The following C10orf90 variants were observed in gnomAD, a reference collection of about 807,000 sequenced individuals.
The protein encoded by C10orf90 is (E2-independent) E3 ubiquitin-conjugating enzyme FATS.
In C10orf90, 56 loss-of-function variants were observed where a neutral mutation model predicts 62.5. The ratio of observed to expected loss-of-function variants is 0.90; its 90% confidence interval spans 0.72 to 1.12. C10orf90 has a LOEUF of 1.12. C10orf90 is among the 50% of genes most tolerant of loss of function. The pLI, the probability that C10orf90 is intolerant of heterozygous loss-of-function variation, is 0.00. For missense variants in C10orf90, 970 were observed against 880.4 expected, an observed-to-expected ratio of 1.10 and a Z score of -1.29; for synonymous variants, 386 against 340.4, an observed-to-expected ratio of 1.13 and a Z score of -1.47.
intron 4 of C10orf90, among the ~76,000 whole-genome samples, chr10:126,481,544 G>A (rs189533107): frequency 6.6e-6 from 1 of 152,324 alleles, no homozygotes; most frequent in East Asian, 1.9e-4. Flanking sequence ...AATGGCAGAG[G>A]CATTTCTGCA....
intron 7 of C10orf90, among the ~76,000 whole-genome samples, chr10:126,442,602 T>C (rs1858444187): frequency 7.7e-6 from 1 of 129,442 alleles, no homozygotes; most frequent in Admixed American, 7.9e-5. Flanking sequence ...GTCAATGGAA[T>C]ATTGAAGTTC....
intron 2 of C10orf90, among the ~76,000 whole-genome samples, chr10:126,571,883 T>C (rs373409893): frequency 5.3e-5 from 8 of 152,174 alleles, no homozygotes; most frequent in African/African-American, 1.9e-4. Flanking sequence ...TAGTCAGGCC[T>C]TATACACTTC....
chr10:126,469,776 A>G lies in C10orf90; in HGVS notation c.1535-4790T>C, dbSNP rs1386772939. 3 of 430,912 alleles carry G rather than the reference A, an allele frequency of 7.0e-6. No individual in the cohort carries two copies. In the Admixed American group the frequency reaches 7.6e-5, roughly 11 times the overall value. The allele number at this position is 430,912 out of a possible 1,614,324, so 26.7% of individuals were successfully genotyped here. A position where few individuals can be genotyped will look rare whatever the true frequency, so the allele number is the denominator to read the frequency against. ...CCTGGGTTCTCTTCCAGCAAGCTCT[A>G]TAACTACAGCATCTAACTGGAAACC... On this transcript the variant is annotated intron_variant, in intron 4 of 9. Coordinates refer to ENST00000488181, the MANE Select transcript of C10orf90 (RefSeq NM_001350921.2).
At chr10:126,447,182 A>T (rs1858838040) in intron 7 of C10orf90, among the ~76,000 whole-genome samples, 1 of 152,078 alleles carries the variant, frequency 6.6e-6, no homozygotes, top group Admixed American at 6.6e-5. Flanking sequence ...ATTAATAATT[A>T]CCTTGACTGT....
intron 7 of C10orf90, among the ~76,000 whole-genome samples, chr10:126,435,984 C>G (rs954222436): frequency 6.6e-6 from 1 of 152,148 alleles, no homozygotes; most frequent in Non-Finnish European, 1.5e-5. Flanking sequence ...GCTGGTTACT[C>G]CTCAAGAGAT....
Position 126,639,093 on chromosome 10 carries a change from A to G in C10orf90, c.313+7472T>C, listed in dbSNP as rs1349153550. On this transcript the variant is annotated intron_variant, in intron 2 of 9. Coordinates refer to ENST00000488181, the MANE Select transcript of C10orf90 (RefSeq NM_001350921.2). ...TTAAAAACCCAGCAAACTCCAAAAG[A>G]CCGTGAGTGGTGGTTTTCACAGGGA... 7.2e-5 allele frequency among the ~76,000 whole-genome samples: 11 copies of G among 152,272 alleles called. No individual in the cohort carries two copies. The East Asian group carries it at 2.1e-3, about 29-fold the overall frequency.
At chr10:126,555,309 A>T (rs1864736965) in intron 2 of C10orf90, among the ~76,000 whole-genome samples, 1 of 152,178 alleles carries the variant, frequency 6.6e-6, no homozygotes, top group Non-Finnish European at 1.5e-5. Flanking sequence ...GTATCCAAGT[A>T]CTAGATCCTG....
At chr10:126,471,981 C>A (rs1860609325) in intron 4 of C10orf90, among the ~76,000 whole-genome samples, 1 of 152,070 alleles carries the variant, frequency 6.6e-6, no homozygotes. Flanking sequence ...AACAAGATTA[C>A]TTCGACTACA....
At chr10:126,591,019 CA>C (rs1182512003) in intron 2 of C10orf90, among the ~76,000 whole-genome samples, 2 of 152,044 alleles carry the variant, frequency 1.3e-5, no homozygotes, top group Admixed American at 1.3e-4. Flanking sequence ...CTGAATAGAC[CA>C]ATAATGATTT....
intron 4 of C10orf90, among the ~76,000 whole-genome samples, chr10:126,481,681 A>T (rs1399601890): frequency 6.6e-6 from 1 of 152,168 alleles, no homozygotes; most frequent in Non-Finnish European, 1.5e-5. Context: ...ACACCACCCT[A>T]AAATGAAGAA....
chr10:126,454,868 C>G (rs1859441016), intron 7 of C10orf90, among the ~76,000 whole-genome samples: 1 of 152,132 alleles, frequency 6.6e-6, no homozygotes. Context: ...TCCCAGGCAA[C>G]TCTGGTGAAT....
chr10:126,557,667 C>A (rs1864808385), intron 2 of C10orf90, among the ~76,000 whole-genome samples: 1 of 152,114 alleles, frequency 6.6e-6, no homozygotes, highest in Non-Finnish European at 1.5e-5. Context: ...TAATACTGTA[C>A]TGTTCATACC....
chr10:126,429,467 G>T (rs1174496841), intron 8 of C10orf90, among the ~76,000 whole-genome samples: 2 of 152,156 alleles, frequency 1.3e-5, no homozygotes, highest in East Asian at 3.8e-4. Context: ...GTGACAAATA[G>T]CTCCTGCCCA....
chr10:126,442,804 C>G (rs1024895080), intron 7 of C10orf90, among the ~76,000 whole-genome samples: 2 of 150,586 alleles, frequency 1.3e-5, no homozygotes, highest in African/African-American at 4.9e-5. Context: ...GAAATTATAT[C>G]AAGACTCTCT....
intron 2 of C10orf90, among the ~76,000 whole-genome samples, chr10:126,535,239 TG>T (rs1864202324): frequency 1.3e-5 from 2 of 151,846 alleles, no homozygotes; most frequent in Admixed American, 1.3e-4. Flanking sequence ...ATTTGTCAGC[TG>T]GGTGTGGTGG....
intron 2 of C10orf90, among the ~76,000 whole-genome samples, chr10:126,617,737 A>T (rs1008597820): frequency 2.6e-5 from 4 of 152,228 alleles, no homozygotes; most frequent in Admixed American, 6.5e-5. Context: ...CCTCTCTCAG[A>T]TCAGATTTGC....
chr10:126,498,073 C>A (rs894695331), intron 4 of C10orf90, among the ~76,000 whole-genome samples: 1 of 152,194 alleles, frequency 6.6e-6, no homozygotes. Flanking sequence ...TGATTCTCAA[C>A]CATGCACCCA....
At chr10:126,614,634 T>A (rs1845504517) in intron 2 of C10orf90, among the ~76,000 whole-genome samples, 1 of 151,898 alleles carries the variant, frequency 6.6e-6, no homozygotes, top group Non-Finnish European at 1.5e-5. Context: ...GAAATCCTCC[T>A]CCATTTATTT....
At position 126,605,311 on chromosome 10, in the gene C10orf90, G is replaced by A. The variant is rs74677812; in HGVS notation, c.313+41254C>T. ...TCTGACTCCAGCGCTCTCCTCTCCCGACCCCAATGCAAGCACAGGGCCCTC... is the reference window on the plus strand; with the variant it reads ...TCTGACTCCAGCGCTCTCCTCTCCCAACCCCAATGCAAGCACAGGGCCCTC... On this transcript the variant is annotated intron_variant, in intron 2 of 9. Coordinates refer to ENST00000488181, the MANE Select transcript of C10orf90 (RefSeq NM_001350921.2). 2.3e-3 allele frequency among the ~76,000 whole-genome samples: 349 copies of A among 152,268 alleles called. 2 individuals carry two copies. The highest frequency in any genetic ancestry group is 8.0e-3 in the African/African-American group (332 of 41,550).
Sources: allele counts gnomAD v4.1 joint callset (sites outside exome capture counted in the v4.1 genomes callset), GRCh38; gene constraint gnomAD v4.1.1; transcripts MANE v1.5; gene names NCBI Gene and HGNC (gene_info 2026-07-23, HGNC 2026-07-21).